Variants in ITGB1BP1 observed in about 807,000 individuals in gnomAD.
The protein encoded by ITGB1BP1 is integrin beta-1-binding protein 1.
In ITGB1BP1, 20 loss-of-function variants were observed where a neutral mutation model predicts 28.0. The ratio of observed to expected loss-of-function variants is 0.71; its 90% CI spans 0.50 to 1.04. The LOEUF (loss-of-function observed/expected upper bound fraction) is 1.04. Among genes scored for constraint, ITGB1BP1 ranks in the 50% least tolerant of loss-of-function variants. ITGB1BP1 has a pLI of 0.00. For synonymous variants in ITGB1BP1, 103 were observed against 89.5 expected (o/e 1.15, Z -0.85); for missense variants, 228 against 242.5 (o/e 0.94, Z 0.40).
chr2:9,418,307 T>C (rs1679391975), intron 2 of ITGB1BP1, among the ~76,000 whole-genome samples: 1 of 152,210 alleles, frequency 6.6e-6, no homozygotes. Flanking sequence ...AACCCTAGAA[T>C]TCAAGAGGCC....
chr2:9,421,446 G>C (rs527451876), intron 1 of ITGB1BP1, among the ~76,000 whole-genome samples: 13 of 152,274 alleles, frequency 8.5e-5, no homozygotes, highest in African/African-American at 1.2e-4. Context: ...CCAGCACTTT[G>C]GGAGGCCAAG....
rs1434682090 is a variant in ITGB1BP1 at position 9,418,713 on chromosome 2, C to T, written c.-16G>A. On this transcript the variant is annotated 5_prime_UTR_variant, in exon 2 of 7. Transcript: ENST00000355346. ...TGCGAAACATTTTTCACCACCATTG[C>T]TTGATCCAGAGAAGATCCCCTGAAA... 1 of 1,613,564 alleles carries T rather than the reference C, an allele frequency of 6.2e-7. No homozygotes were observed. The highest frequency in any genetic ancestry group is 8.5e-7 in the Non-Finnish European group (1 of 1,179,708).
In ITGB1BP1 at chr2:9,405,500, TATTC is replaced by T. The variant is rs894831876; in HGVS notation, c.*1330_*1333del. 1 of 152,662 alleles carries T rather than the reference TATTC, an allele frequency of 6.6e-6. No homozygotes were observed. Among genetic ancestry groups the T allele is most frequent in the African/African-American group, 2.4e-5 (1 of 41,462 alleles). The allele number at this position is 152,662 out of a possible 1,614,324, so 9.5% of individuals were successfully genotyped here. A position where few individuals can be genotyped will look rare whatever the true frequency, so the allele number is the denominator to read the frequency against. On this transcript the variant is annotated 3_prime_UTR_variant, in exon 7 of 7. Transcript: ENST00000355346. ...TAGGATGCTATTTTGAGATGTATGATATTCAGTTCATTCACCTGATTACTTTGGT... is the reference window on the plus strand; with the variant it reads ...TAGGATGCTATTTTGAGATGTATGATAGTTCATTCACCTGATTACTTTGGT...
chr2:9,414,866 A>G (rs774214424), intron 2 of ITGB1BP1, among the ~76,000 whole-genome samples: 55 of 152,238 alleles, frequency 3.6e-4, no homozygotes, highest in Non-Finnish European at 6.9e-4. Context: ...ACTGCCACCA[A>G]AAAAACAACA....
intron 6 of ITGB1BP1, 166 bp downstream of exon 6, chr2:9,407,283 G>T: frequency 2.8e-6 from 2 of 714,096 alleles, no homozygotes; most frequent in Non-Finnish European, 4.6e-6. Context: ...TCACAAACCT[G>T]CACTGTCTTG....
chr2:9,409,153 C>T (rs77589730), intron 4 of ITGB1BP1, among the ~76,000 whole-genome samples: 5,053 of 152,310 alleles, frequency 0.033, 263 homozygotes, highest in African/African-American at 0.12. Flanking sequence ...GCGGACGATC[C>T]GGTCTCGGCT....
chr2:9,423,293 G>A, intron 1 of ITGB1BP1, 80 bp downstream of exon 1: 1 of 1,218,786 alleles, frequency 8.2e-7, no homozygotes, highest in Non-Finnish European at 1.0e-6. Flanking sequence ...CTTCCTGGCC[G>A]TCCGCGCCGC....
intron 2 of ITGB1BP1, 43 bp downstream of exon 2, chr2:9,418,583 C>T (rs933247565): frequency 7.5e-7 from 1 of 1,340,250 alleles, no homozygotes; most frequent in African/African-American, 1.4e-5. Flanking sequence ...AGAAACAAAA[C>T]TCTCCCTGCT....
Position 9,404,207 on chromosome 2 carries a change from T to C in ITGB1BP1, c.*2627A>G, listed in dbSNP as rs1328139445. ...CTGTATTAACACATCACTTGCTGTT[T>C]CCTACTGAGTGTACCACTGCCTTCC... is the stretch of plus-strand genomic sequence containing the variant. On this transcript the variant is annotated 3_prime_UTR_variant, in exon 7 of 7. Transcript: ENST00000355346. 1.3e-5 allele frequency: 2 copies of C among 152,250 alleles called. No individual in the cohort carries two copies. The highest frequency in any genetic ancestry group is 2.9e-5 in the Non-Finnish European group (2 of 68,050). The allele number at this position is 152,250 out of a possible 1,614,324, so 9.4% of individuals were successfully genotyped here. A position where few individuals can be genotyped will look rare whatever the true frequency, so the allele number is the denominator to read the frequency against.
intron 1 of ITGB1BP1, among the ~76,000 whole-genome samples, chr2:9,421,571 C>G (rs376514783): frequency 6.6e-6 from 1 of 151,650 alleles, no homozygotes; most frequent in East Asian, 1.9e-4. Context: ...CCTGTAGTCC[C>G]AGCTACTCAG....
At chr2:9,414,024 G>A (rs914523876) in intron 3 of ITGB1BP1, among the ~76,000 whole-genome samples, 154 bp downstream of exon 3, 1 of 152,054 alleles carries the variant, frequency 6.6e-6, no homozygotes, top group Non-Finnish European at 1.5e-5. Flanking sequence ...CCCACGTCCC[G>A]CCAAATCTTG....
chr2:9,411,479 T>C (rs1252118163), intron 4 of ITGB1BP1, among the ~76,000 whole-genome samples: 1 of 152,112 alleles, frequency 6.6e-6, no homozygotes, highest in Non-Finnish European at 1.5e-5. Context: ...CCCAGCGCTT[T>C]GGGAGGCCGA....
chr2:9,410,285 G>A (rs183156830), intron 4 of ITGB1BP1, among the ~76,000 whole-genome samples: 7 of 142,506 alleles, frequency 4.9e-5, no homozygotes, highest in Admixed American at 2.1e-4. Flanking sequence ...AGGCTGGAGT[G>A]CAGTGGTACA....
intron 2 of ITGB1BP1, among the ~76,000 whole-genome samples, chr2:9,414,477 CATA>C (rs1417069890): frequency 3.3e-5 from 5 of 152,326 alleles, no homozygotes; most frequent in African/African-American, 1.2e-4. Context: ...CGTCCCATGA[CATA>C]ATATCGGATA....
chr2:9,407,593 A>G lies in ITGB1BP1; in HGVS notation c.387T>C (p.Val129=). The part of the protein sequence containing the change: ...IKVSTSDQYD[V]LHRHALYLII... ...TTAAGTAGAGAGCATGCCTGTGCAA[A>G]ACATCCTGCAGAAGTCAGGAAAGAT... The change falls in exon 6 of 7, where the codon GTT becomes GTC. Residue 129 remains valine (V), a synonymous_variant. Transcript: ENST00000355346. 1 of 1,614,140 alleles carries G rather than the reference A, an allele frequency of 6.2e-7. No homozygotes were observed. The highest frequency in any genetic ancestry group is 1.3e-5 in the African/African-American group (1 of 75,046).
rs1406384843 is a variant in ITGB1BP1 at position 9,415,278 on chromosome 2, C to T, written c.73-1022G>A. 6.6e-6 allele frequency among the ~76,000 whole-genome samples: 1 copy of T among 152,286 alleles called. No homozygotes were observed. The highest frequency in any genetic ancestry group is 2.4e-5 in the African/African-American group (1 of 41,554). On this transcript the variant is annotated intron_variant, in intron 2 of 6. Coordinates refer to ENST00000355346, the MANE Select transcript of ITGB1BP1 (RefSeq NM_004763.5). The surrounding 1 kb of genome is among the most constrained non-coding windows in gnomAD (Gnocchi z 4.1). ...CTTATAATCCTAGCTACTCGGGAGG[C>T]TGAGGCAGGAGAATAGCTTGAACCC...
Position 9,407,474 on chromosome 2 carries a change from A to T in ITGB1BP1, c.506T>A (p.Leu169Gln). The change falls in exon 6 of 7, where the codon CTG becomes CAG. Residue 169 changes from leucine to glutamine, a missense_variant. Leu to Gln is a moderately radical substitution (Grantham distance 113). Around this residue, in one of 2 missense-constraint regions of ITGB1BP1, gnomAD observed 192 missense variants for 181.6 expected, o/e 1.06. Transcript: ENST00000355346. Reference sequence around the variant, plus strand: ...CAGGCTGTTGCACTGATAAACCCACAGGCTGTATTCCTCATTGCTTGCATC... The same window carrying T: ...CAGGCTGTTGCACTGATAAACCCACTGGCTGTATTCCTCATTGCTTGCATC... ...TTDASNEEYS[L>Q]WVYQCNSLEQ... 6.2e-7 allele frequency: 1 copy of T among 1,614,212 alleles called. No individual in the cohort carries two copies.
chr2:9,421,863 G>A (rs1679912574), intron 1 of ITGB1BP1, among the ~76,000 whole-genome samples: 1 of 151,864 alleles, frequency 6.6e-6, no homozygotes, highest in African/African-American at 2.4e-5. Flanking sequence ...ATTATTGCTG[G>A]AGGAAGCCAG....
intron 3 of ITGB1BP1, among the ~76,000 whole-genome samples, chr2:9,413,391 C>T (rs1029850505): frequency 4.6e-5 from 7 of 151,816 alleles, no homozygotes; most frequent in South Asian, 2.1e-4. Context: ...TGCAGTGGTG[C>T]GATTCTCAGC....
Sources: gnomAD v4.1 joint callset for allele counts (sites outside exome capture counted in the v4.1 genomes callset) on GRCh38, gnomAD v4.1.1 for gene constraint, gnomAD v4.1.1 regional missense constraint, Gnocchi (gnomAD v3.1) non-coding constraint, MANE v1.5 for transcripts, NCBI Gene and HGNC (gene_info 2026-07-23, HGNC 2026-07-21) for gene names.